XPO4: variants seen among roughly 807,000 people sequenced by gnomAD.
XPO4 encodes the protein exportin 4.
Under a neutral mutation model 143.0 loss-of-function variants are expected in XPO4, and 39 were observed. The observed-to-expected ratio is 0.27, with a 90% confidence interval of 0.21 to 0.36. XPO4 has a LOEUF of 0.36. XPO4 is among the 10% of genes least tolerant of loss of function. The probability of loss-of-function intolerance (pLI) is 1.00; values close to 1 mark genes in which losing one functional copy is unlikely to be tolerated. For synonymous variants in XPO4, 439 were observed against 474.0 expected (o/e 0.93, Z 0.96); for missense variants, 907 against 1,348.0 (o/e 0.67, Z 5.12).
intron 4 of XPO4, chr13:20,848,719 A>G: frequency 3.0e-6 from 3 of 985,428 alleles, no homozygotes; most frequent in Non-Finnish European, 3.6e-6. Flanking sequence ...TTAATGAATC[A>G]GTGTTTACTT....
chr13:20,854,407 C>T (rs973904937), intron 4 of XPO4, among the ~76,000 whole-genome samples: 7 of 152,152 alleles, frequency 4.6e-5, no homozygotes, highest in Non-Finnish European at 7.3e-5. Flanking sequence ...AAATACACCA[C>T]AGCATCTCAA....
At chr13:20,834,114 CTG>C (rs1268370488) in intron 6 of XPO4, among the ~76,000 whole-genome samples, 1 of 152,152 alleles carries the variant, frequency 6.6e-6, no homozygotes, top group Non-Finnish European at 1.5e-5. Flanking sequence ...ATCACAGAAA[CTG>C]TGGACTTTGC....
chr13:20,790,572 A>G lies in XPO4; in HGVS notation c.2806T>C (p.Phe936Leu), dbSNP rs2059267333. 8 of 1,613,476 alleles carry G rather than the reference A, an allele frequency of 5.0e-6. No individual in the cohort carries two copies. The highest frequency in any genetic ancestry group is 6.8e-6 in the Non-Finnish European group (8 of 1,179,590). Residue 936 changes from phenylalanine to leucine, a missense_variant, in exon 19 of 23, where the codon TTT (phenylalanine) becomes CTT (leucine). By Grantham distance (22) the Phe-to-Leu change is conservative. Coordinates refer to ENST00000255305, the MANE Select transcript of XPO4 (RefSeq NM_022459.5). ...GCTTGACCTGGCTCATGTCCTCTAA[A>G]CACTTCATCTATTAAAATAAAAGGA... Reference protein sequence around the residue: ...FIDFSDTDEVFRGHEPGQAAN... With the variant: ...FIDFSDTDEVLRGHEPGQAAN...
At chr13:20,839,693 T>A (rs1021838513) in intron 6 of XPO4, among the ~76,000 whole-genome samples, 10 of 151,780 alleles carry the variant, frequency 6.6e-5, no homozygotes, top group African/African-American at 2.2e-4. Context: ...AATAAAAAAA[T>A]TAGTCAGGGC....
chr13:20,825,103 G>A (rs186234309), intron 7 of XPO4, among the ~76,000 whole-genome samples: 26 of 152,224 alleles, frequency 1.7e-4, no homozygotes, highest in Non-Finnish European at 2.4e-4. Context: ...GACCATAAGC[G>A]AGATCAAGAA....
In XPO4 at chr13:20,868,630, T is replaced by C. The variant is rs768026429; in HGVS notation, c.141A>G (p.Ser47=). 11 of 1,613,098 alleles carry C rather than the reference T, an allele frequency of 6.8e-6. No individual in the cohort carries two copies. The highest frequency in any genetic ancestry group is 3.3e-4 in the Middle Eastern group (2 of 6,050). ...GCTTGCAAACTGCAAATGGTGATTT[T>C]GATTTCCTAAATGATAAGAATATGT... ...AEHIFLSFRK[S]KSPFAVCKHI... is the part of the protein sequence containing the mutation. Residue 47 remains serine (S), a synonymous_variant, in exon 2 of 23, where the codon TCA becomes TCG. Coordinates refer to ENST00000255305, the MANE Select transcript of XPO4 (RefSeq NM_022459.5).
intron 1 of XPO4, among the ~76,000 whole-genome samples, chr13:20,884,543 G>A (rs966460630): frequency 9.2e-5 from 14 of 152,076 alleles, no homozygotes; most frequent in Non-Finnish European, 7.4e-5. Context: ...CGGAGTAGCT[G>A]GGACCACAGG....
Position 20,855,819 on chromosome 13 carries a change from A to G in XPO4, c.318-54T>C, listed in dbSNP as rs902376762. 52 of 1,498,530 alleles carry G rather than the reference A, an allele frequency of 3.5e-5. 1 individual carries two copies. In the African/African-American group the frequency reaches 6.4e-4, roughly 19 times the overall value. The allele number at this position is 1,498,530 out of a possible 1,614,324, so 92.8% of individuals were successfully genotyped here. On this transcript the variant is annotated intron_variant, in intron 3 of 22. Transcript: ENST00000255305. The stretch of plus-strand genomic sequence containing the variant: ...ATTTACCTAAATCTAATACAAGAAT[A>G]CTCCCAAACTTCTCTCTATGCCTGA...
chr13:20,838,658 G>T (rs1258669046), intron 6 of XPO4, among the ~76,000 whole-genome samples: 1 of 148,798 alleles, frequency 6.7e-6, no homozygotes, highest in Non-Finnish European at 1.5e-5. Flanking sequence ...GTCTTGTTCT[G>T]TTGCCCAGGC....
chr13:20,851,161 A>C, intron 4 of XPO4: 1 of 985,454 alleles, frequency 1.0e-6, no homozygotes, highest in Non-Finnish European at 1.2e-6. Flanking sequence ...CAGTCCAAGA[A>C]GAAGAGAGGA....
At chr13:20,851,677 T>C (rs574139) in intron 4 of XPO4, 26 of 815,360 alleles carry the variant, frequency 3.2e-5, no homozygotes, top group Middle Eastern at 6.5e-4. Context: ...ACCATTGCCC[T>C]CCAGCCGAGG....
intron 15 of XPO4, 38 bp from the exon 16 acceptor site, chr13:20,799,377 A>C (rs1215301662): frequency 1.3e-6 from 2 of 1,566,720 alleles, no homozygotes; most frequent in South Asian, 2.3e-5. Flanking sequence ...ATGTATTACT[A>C]TGTATATACA....
intron 6 of XPO4, among the ~76,000 whole-genome samples, chr13:20,841,510 G>A (rs1595120077): frequency 6.6e-6 from 1 of 152,250 alleles, no homozygotes; most frequent in East Asian, 1.9e-4. Flanking sequence ...TGGTTATTGG[G>A]AGAAAGATGA....
chr13:20,784,101 T>C (rs1484111811), intron 22 of XPO4, among the ~76,000 whole-genome samples, 182 bp from the exon 23 acceptor site: 7 of 152,218 alleles, frequency 4.6e-5, no homozygotes, highest in Admixed American at 2.6e-4. Flanking sequence ...AATTCATCTA[T>C]CATTTACAAC....
intron 18 of XPO4, among the ~76,000 whole-genome samples, chr13:20,791,788 AT>A (rs1238690630): frequency 6.6e-6 from 1 of 152,202 alleles, no homozygotes; most frequent in Non-Finnish European, 1.5e-5. Flanking sequence ...ATTTTTTTCT[AT>A]TAAGGGCATA....
chr13:20,844,602 A>G (rs2060011589), intron 4 of XPO4, among the ~76,000 whole-genome samples: 1 of 152,232 alleles, frequency 6.6e-6, no homozygotes, highest in African/African-American at 2.4e-5. Context: ...GAAAGATTAA[A>G]GTCAAGATGA....
intron 4 of XPO4, among the ~76,000 whole-genome samples, chr13:20,847,115 A>C (rs1180220853): frequency 8.5e-5 from 13 of 152,220 alleles, no homozygotes; most frequent in Non-Finnish European, 1.9e-4. Flanking sequence ...CATAAATATT[A>C]ATCATACTAC....
intron 1 of XPO4, among the ~76,000 whole-genome samples, chr13:20,868,935 G>A (rs2060267851): frequency 6.6e-6 from 1 of 151,994 alleles, no homozygotes; most frequent in Non-Finnish European, 1.5e-5. Flanking sequence ...ATCCTTTAAA[G>A]GTTTTTAAAA....
At chr13:20,804,352 C>T (rs1312799621) in intron 13 of XPO4, among the ~76,000 whole-genome samples, 3 of 152,050 alleles carry the variant, frequency 2.0e-5, no homozygotes, top group Non-Finnish European at 4.4e-5. Flanking sequence ...TATGGAATAG[C>T]CATTCTTTTA....
Sources: allele counts gnomAD v4.1 joint callset (sites outside exome capture counted in the v4.1 genomes callset), GRCh38; gene constraint gnomAD v4.1.1; transcripts MANE v1.5; gene names NCBI Gene and HGNC (gene_info 2026-07-23, HGNC 2026-07-21).